The following PRKAR1B variants were observed in gnomAD, a reference collection of about 807,000 sequenced individuals.
The protein encoded by PRKAR1B is protein kinase cAMP-dependent type I regulatory subunit beta, also known as cAMP-dependent protein kinase type I-beta regulatory subunit.
In PRKAR1B, 22 loss-of-function variants were observed where a neutral mutation model predicts 46.5. That is an observed-to-expected ratio of 0.47 (90% CI 0.34 to 0.68). The LOEUF (loss-of-function observed/expected upper bound fraction) is 0.68. Among genes scored for constraint, PRKAR1B ranks in the 30% least tolerant of loss-of-function variants. PRKAR1B has a pLI of 0.01. For synonymous variants in PRKAR1B, 259 were observed against 217.7 expected, an observed-to-expected ratio of 1.19 and a Z score of -1.67; for missense variants, 445 against 535.6, an observed-to-expected ratio of 0.83 and a Z score of 1.67.
chr7:612,266 G>A (rs889153012), intron 4 of PRKAR1B, among the ~76,000 whole-genome samples: 1 of 148,114 alleles, frequency 6.8e-6, no homozygotes, highest in Admixed American at 6.7e-5. Flanking sequence ...GTAGATCAAC[G>A]GATGGATGGA....
chr7:727,275 G>C lies in PRKAR1B; in HGVS notation c.-88C>G. On this transcript the variant is annotated 5_prime_UTR_variant, in exon 1 of 11. Transcript: ENST00000537384. ...ACCCCTTCGCCGCCGTGCGCCGCGAGAGCTGCAGCTGCGCCGCCGCCCTGG... is the reference window on the plus strand; with the variant it reads ...ACCCCTTCGCCGCCGTGCGCCGCGACAGCTGCAGCTGCGCCGCCGCCCTGG... 3 of 1,319,694 alleles carry C rather than the reference G, an allele frequency of 2.3e-6. No individual in the cohort carries two copies. Among genetic ancestry groups the C allele is most frequent in the Non-Finnish European group, 2.9e-6 (3 of 1,038,754 alleles). 81.7% of individuals were successfully genotyped at this position (1,319,694 alleles called of 1,614,324 possible).
chr7:605,195 G>A (rs1472357741), intron 6 of PRKAR1B, among the ~76,000 whole-genome samples: 1 of 152,218 alleles, frequency 6.6e-6, no homozygotes, highest in African/African-American at 2.4e-5. Flanking sequence ...CAGTGCAGGC[G>A]GATTCCAGGA....
intron 1 of PRKAR1B, 38 bp from the exon 2 acceptor site, chr7:711,565 T>C (rs1780631599): frequency 1.3e-6 from 2 of 1,566,898 alleles, no homozygotes; most frequent in South Asian, 2.3e-5. Context: ...GCCTGAGAGC[T>C]GCCCGGGGCT....
Position 551,393 on chromosome 7 carries a change from G to A in PRKAR1B, c.969C>T (p.Tyr323=). The A allele has an allele frequency of 5.8e-6, 9 of 1,557,884 alleles. No individual in the cohort carries two copies. The highest frequency in any genetic ancestry group is 3.9e-5 in the Admixed American group (2 of 51,404). The change falls in exon 10 of 11, where the codon TAC becomes TAT. Residue 323 remains tyrosine (Y), a synonymous_variant. Transcript: ENST00000537384. ...VEVGRLGPSD[Y]FGEIALLLNR... is the part of the protein sequence containing the mutation. ...GGGGACGCCCACTGGACTCACCGAAGTAGTCAGAGGGTCCCAGGCGCCCCA... is the reference window on the plus strand; with the variant it reads ...GGGGACGCCCACTGGACTCACCGAAATAGTCAGAGGGTCCCAGGCGCCCCA...
In PRKAR1B at chr7:673,266, G is replaced by C. The variant is rs547516815; in HGVS notation, c.440+3963C>G. On this transcript the variant is annotated intron_variant, in intron 4 of 10. Coordinates refer to ENST00000537384, the MANE Select transcript of PRKAR1B (RefSeq NM_001164760.2). The stretch of plus-strand genomic sequence containing the variant: ...GATCTTCCAAACTGAATTTTCAACC[G>C]GGTGAACGTAATATCCGTTCAAAAA... Among the ~76,000 whole-genome samples the C allele has an allele frequency of 5.3e-5, 8 of 152,106 alleles. No individual in the cohort carries two copies. In the South Asian group the frequency reaches 1.7e-3, roughly 32 times the overall value.
intron 4 of PRKAR1B, among the ~76,000 whole-genome samples, chr7:639,167 G>A (rs1312870029): frequency 6.6e-6 from 1 of 152,194 alleles, no homozygotes; most frequent in Non-Finnish European, 1.5e-5. Flanking sequence ...AAAAGGAACG[G>A]AGTAGGGGGA....
intron 2 of PRKAR1B, among the ~76,000 whole-genome samples, chr7:681,470 T>G (rs908454436): frequency 6.6e-6 from 1 of 152,216 alleles, no homozygotes; most frequent in Non-Finnish European, 1.5e-5. Context: ...TTTTTATAAC[T>G]GCCTGCACAT....
At chr7:720,983 A>G (rs1362710480) in intron 1 of PRKAR1B, among the ~76,000 whole-genome samples, 4 of 152,176 alleles carry the variant, frequency 2.6e-5, no homozygotes, top group Non-Finnish European at 5.9e-5. Context: ...CTTGCCATTT[A>G]ATCATCTGTT....
intron 7 of PRKAR1B, among the ~76,000 whole-genome samples, chr7:594,854 TGAC>T (rs1781183428): frequency 1.3e-5 from 2 of 151,734 alleles, no homozygotes; most frequent in South Asian, 4.2e-4. Flanking sequence ...CCCCAGATCA[TGAC>T]GAGACCACCC....
chr7:682,378 C>T (rs1417702100), intron 2 of PRKAR1B, among the ~76,000 whole-genome samples: 1 of 151,886 alleles, frequency 6.6e-6, no homozygotes, highest in Non-Finnish European at 1.5e-5. Context: ...CCTATAATCC[C>T]AGCACTTAGG....
intron 7 of PRKAR1B, among the ~76,000 whole-genome samples, chr7:584,983 A>C (rs1780515039): frequency 6.6e-6 from 1 of 152,080 alleles, no homozygotes; most frequent in South Asian, 2.1e-4. Context: ...TAGAAGGGAG[A>C]GTGCGGCTGA....
chr7:586,765 A>G (rs775871279), intron 7 of PRKAR1B, among the ~76,000 whole-genome samples: 3 of 152,246 alleles, frequency 2.0e-5, no homozygotes, highest in South Asian at 4.1e-4. Flanking sequence ...AGGTTAAGAT[A>G]GAAAACTATA....
At chr7:588,163 G>A (rs2128449953) in intron 7 of PRKAR1B, among the ~76,000 whole-genome samples, 1 of 152,324 alleles carries the variant, frequency 6.6e-6, no homozygotes, top group African/African-American at 2.4e-5. Context: ...ACTGAGCCCA[G>A]CGAAGGTGTG....
intron 4 of PRKAR1B, among the ~76,000 whole-genome samples, chr7:630,609 T>A (rs1041276319): frequency 6.6e-6 from 1 of 152,204 alleles, no homozygotes; most frequent in Non-Finnish European, 1.5e-5. Context: ...CCAAAGGCCA[T>A]ACGGGTGAGG....
Position 667,291 on chromosome 7 carries a change from C to T in PRKAR1B, c.440+9938G>A, listed in dbSNP as rs1271689564. ...TAGATATTCTTGCTTTATATTCTCA[C>T]AACAACCTCAAAGTAGGTTTTATTA... On this transcript the variant is annotated intron_variant, in intron 4 of 10. Transcript: ENST00000537384. This position sits in a 1 kb window ranked among gnomAD's most constrained non-coding sequence, Gnocchi z 4.3. Among the ~76,000 whole-genome samples the T allele has an allele frequency of 6.6e-6, 1 of 152,204 alleles. No homozygotes were observed. The highest frequency in any genetic ancestry group is 1.5e-5 in the Non-Finnish European group (1 of 68,034).
chr7:660,903 C>T (rs1394620124), intron 4 of PRKAR1B, among the ~76,000 whole-genome samples: 10 of 126,102 alleles, frequency 7.9e-5, no homozygotes, highest in African/African-American at 9.3e-5. Context: ...GTCCAAATAC[C>T]TACTCTCCCC....
intron 4 of PRKAR1B, among the ~76,000 whole-genome samples, chr7:658,834 A>G (rs1334248797): frequency 3.3e-5 from 5 of 152,066 alleles, no homozygotes; most frequent in Admixed American, 1.3e-4. Context: ...TATTTTTAGT[A>G]GAGACAGGGT....
intron 9 of PRKAR1B, among the ~76,000 whole-genome samples, chr7:552,462 T>C: frequency 8.9e-6 from 1 of 112,952 alleles, no homozygotes; most frequent in Non-Finnish European, 1.8e-5. Flanking sequence ...GCAGAGCCAC[T>C]GCCATCACCA....
chr7:550,372 G>C lies in PRKAR1B; in HGVS notation c.*58C>G. The C allele has an allele frequency of 6.6e-7, 1 of 1,516,116 alleles. No homozygotes were observed. Among genetic ancestry groups the C allele is most frequent in the Non-Finnish European group, 9.0e-7 (1 of 1,116,482 alleles). The allele number at this position is 1,516,116 out of a possible 1,614,324, so 93.9% of individuals were successfully genotyped here. Reference sequence around the variant, plus strand: ...CAGCGGCTCCCGGGCCCCCGACACAGACGAGCAGGGCACGGCCACCACACT... The same window carrying C: ...CAGCGGCTCCCGGGCCCCCGACACACACGAGCAGGGCACGGCCACCACACT... On this transcript the variant is annotated 3_prime_UTR_variant, in exon 11 of 11. Transcript: ENST00000537384.
Sources: allele counts gnomAD v4.1 joint callset (sites outside exome capture counted in the v4.1 genomes callset), GRCh38; gene constraint gnomAD v4.1.1; non-coding constraint Gnocchi (gnomAD v3.1); transcripts MANE v1.5; gene names NCBI Gene and HGNC (gene_info 2026-07-23, HGNC 2026-07-21).